Variants in TOMM7 observed in about 807,000 individuals in gnomAD.
TOMM7 encodes translocase of outer mitochondrial membrane 7.
A neutral mutation model predicts 9.5 loss-of-function variants in TOMM7; 8 were observed. That is an observed-to-expected ratio of 0.84 (90% confidence interval 0.49 to 1.51). The LOEUF is 1.51. Ranked by LOEUF, TOMM7 falls within the 40% of genes most tolerant of loss-of-function variation. TOMM7 has a pLI of 0.00. For missense variants in TOMM7, 74 were observed against 63.7 expected, an observed-to-expected ratio of 1.16 and a Z score of -0.55; for synonymous variants, 27 against 21.4, an observed-to-expected ratio of 1.26 and a Z score of -0.72.
rs1782414966 is a variant in TOMM7, at chr7:22,822,824, AG to A, written c.-46del. ...AGGGAGGACCCCTTACAGCAACCACAGCGTCGGGAATCCGAAAGGGAAAGGA... is the reference window on the plus strand; with the variant it reads ...AGGGAGGACCCCTTACAGCAACCACACGTCGGGAATCCGAAAGGGAAAGGA... On this transcript the variant is annotated 5_prime_UTR_variant, in exon 1 of 3. Transcript: ENST00000358435. 6.6e-7 allele frequency: 1 copy of A among 1,514,810 alleles called. No homozygotes were observed. Among genetic ancestry groups the A allele is most frequent in the African/African-American group, 1.4e-5 (1 of 72,908 alleles). The allele number at this position is 1,514,810 out of a possible 1,614,324, so 93.8% of individuals were successfully genotyped here. A position where few individuals can be genotyped will look rare whatever the true frequency, so the allele number is the denominator to read the frequency against.
intron 1 of TOMM7, chr7:22,822,203 G>A (rs548073568): frequency 3.2e-6 from 5 of 1,550,896 alleles, no homozygotes; most frequent in Admixed American, 3.9e-5. Context: ...TCATCGTACA[G>A]GTAAGAAAGC....
chr7:22,820,970 A>C (rs1782380270), intron 1 of TOMM7, among the ~76,000 whole-genome samples: 1 of 152,186 alleles, frequency 6.6e-6, no homozygotes, highest in Admixed American at 6.5e-5. Context: ...ATTAAATAGG[A>C]AGCAGCACCT....
intron 1 of TOMM7, among the ~76,000 whole-genome samples, chr7:22,820,761 A>G (rs1782376802): frequency 6.6e-6 from 1 of 152,142 alleles, no homozygotes; most frequent in Non-Finnish European, 1.5e-5. Flanking sequence ...ATTTACTCTA[A>G]TCCTTGGTAC....
At chr7:22,818,936 A>C (rs891567840) in intron 1 of TOMM7, among the ~76,000 whole-genome samples, 1 of 152,102 alleles carries the variant, frequency 6.6e-6, no homozygotes, top group South Asian at 2.1e-4. Flanking sequence ...CTTTTTAAAA[A>C]ACACAACTGA....
chr7:22,819,856 A>T (rs1014008638), intron 1 of TOMM7, among the ~76,000 whole-genome samples: 1 of 152,226 alleles, frequency 6.6e-6, no homozygotes, highest in African/African-American at 2.4e-5. Context: ...TCTTCCAACA[A>T]GCGGCTCATT....
At chr7:22,813,427 A>G (rs866553705) in intron 2 of TOMM7, among the ~76,000 whole-genome samples, 6 of 152,254 alleles carry the variant, frequency 3.9e-5, no homozygotes, top group Non-Finnish European at 8.8e-5. Flanking sequence ...GTGAGCAGAC[A>G]TAAAATGAAG....
intron 2 of TOMM7, 127 bp from the exon 3 acceptor site, chr7:22,813,312 A>G (rs1174959585): frequency 1.3e-6 from 1 of 795,778 alleles, no homozygotes; most frequent in Non-Finnish European, 2.0e-6. Flanking sequence ...CAGTTGTGAA[A>G]GACAAGGATC....
chr7:22,820,499 A>G (rs1782372206), intron 1 of TOMM7, among the ~76,000 whole-genome samples: 1 of 152,238 alleles, frequency 6.6e-6, no homozygotes, highest in Admixed American at 6.5e-5. Flanking sequence ...ACAGTAGATG[A>G]AAAGACTTAC....
intron 2 of TOMM7, among the ~76,000 whole-genome samples, chr7:22,815,671 G>A (rs1317213574): frequency 6.6e-6 from 1 of 152,154 alleles, no homozygotes; most frequent in Non-Finnish European, 1.5e-5. Context: ...ATACAAGGCA[G>A]AGAATGACAG....
intron 1 of TOMM7, chr7:22,822,459 G>A (rs1326115803): frequency 2.5e-5 from 18 of 727,124 alleles, no homozygotes; most frequent in Non-Finnish European, 3.6e-5. Flanking sequence ...AATAGAAAAG[G>A]AGGGATTGCA....
rs779018097 is a variant in TOMM7 at position 22,822,786 on chromosome 7, G to A, written c.-7C>T. On this transcript the variant is annotated 5_prime_UTR_variant, in exon 1 of 3. Coordinates refer to ENST00000358435, the MANE Select transcript of TOMM7 (RefSeq NM_019059.5). ...CTTTGCTCAGCTTCACCATGGCGAC[G>A]GCCGTGTGGCGCAGGGAGGACCCCT... 2.5e-6 allele frequency: 4 copies of A among 1,612,888 alleles called. No homozygotes were observed. Among genetic ancestry groups the A allele is most frequent in the Non-Finnish European group, 3.4e-6 (4 of 1,178,908 alleles).
intron 2 of TOMM7, 139 bp downstream of exon 2, chr7:22,817,861 C>T (rs541793951): frequency 1.5e-6 from 1 of 673,644 alleles, no homozygotes; most frequent in Non-Finnish European, 2.5e-6. Flanking sequence ...AAAGTAGTTG[C>T]AGTTTTCCAA....
intron 2 of TOMM7, among the ~76,000 whole-genome samples, chr7:22,813,587 T>A (rs1488402744): frequency 1.3e-5 from 2 of 152,018 alleles, no homozygotes; most frequent in Non-Finnish European, 2.9e-5. Flanking sequence ...CTGAGGAAAG[T>A]TCACAACTCC....
chr7:22,822,702 G>C lies in TOMM7; in HGVS notation c.78C>G (p.Gly26=). The part of the protein sequence containing the change: ...FKGSQFAIRW[G]FIPLVIYLGF... ...CCAGGTAAATCACAAGAGGGATAAA[G>C]CCCCAGCGAATGGCAAACTGGCTCC... is the stretch of plus-strand genomic sequence containing the variant. Residue 26 remains glycine (G), a synonymous_variant, in exon 1 of 3, where the codon GGC becomes GGG. Transcript: ENST00000358435. The C allele has an allele frequency of 6.2e-7, 1 of 1,614,078 alleles. No individual in the cohort carries two copies. The highest frequency in any genetic ancestry group is 8.5e-7 in the Non-Finnish European group (1 of 1,179,944).
chr7:22,816,349 CTT>C (rs1460345738), intron 2 of TOMM7, among the ~76,000 whole-genome samples: 1 of 152,218 alleles, frequency 6.6e-6, no homozygotes, highest in Non-Finnish European at 1.5e-5. Flanking sequence ...GTAGTCCTCT[CTT>C]ATGTTTCCCA....
chr7:22,812,978 GT>G lies in TOMM7; in HGVS notation c.*191del. The G allele has an allele frequency of 3.4e-6, 2 of 581,686 alleles. No individual in the cohort carries two copies. 36.0% of individuals were successfully genotyped at this position (581,686 alleles called of 1,614,324 possible). A position where few individuals can be genotyped will look rare whatever the true frequency, so the allele number is the denominator to read the frequency against. ...TCAAAAAAGACTCAAGCATAACACT[GT>G]TAAAAACATTTATTCTGATACATTC... On this transcript the variant is annotated 3_prime_UTR_variant, in exon 3 of 3. Transcript: ENST00000358435.
chr7:22,816,543 A>G (rs1196278754), intron 2 of TOMM7, among the ~76,000 whole-genome samples: 1 of 152,242 alleles, frequency 6.6e-6, no homozygotes, highest in African/African-American at 2.4e-5. Flanking sequence ...GTCATGCCAT[A>G]AACAGTTAAA....
chr7:22,816,069 C>T (rs914798982), intron 2 of TOMM7, among the ~76,000 whole-genome samples: 1 of 152,116 alleles, frequency 6.6e-6, no homozygotes, highest in Non-Finnish European at 1.5e-5. Flanking sequence ...AGCTAGAGCA[C>T]TGTTTTCATA....
intron 1 of TOMM7, among the ~76,000 whole-genome samples, chr7:22,821,375 A>G (rs1782387383): frequency 6.7e-6 from 1 of 148,248 alleles, no homozygotes; most frequent in South Asian, 2.1e-4. Context: ...GCGCCACTGC[A>G]CTCCAGCCTG....
Sources: gnomAD v4.1 joint callset for allele counts (sites outside exome capture counted in the v4.1 genomes callset) on GRCh38, gnomAD v4.1.1 for gene constraint, MANE v1.5 for transcripts, NCBI Gene and HGNC (gene_info 2026-07-23, HGNC 2026-07-21) for gene names.